SRGAP3: variants seen among roughly 807,000 people sequenced by gnomAD.
The protein encoded by SRGAP3 is SLIT-ROBO Rho GTPase activating protein 3.
Under a neutral mutation model 121.1 loss-of-function variants are expected in SRGAP3, and 39 were observed. The observed-to-expected ratio is 0.32, with a 90% CI of 0.25 to 0.42. The LOEUF is 0.42. Among genes scored for constraint, SRGAP3 ranks in the 10% least tolerant of loss-of-function variants. The probability of loss-of-function intolerance (pLI) is 1.00; values close to 1 mark genes in which losing one functional copy is unlikely to be tolerated. For missense variants in SRGAP3, 1,213 were observed against 1,470.6 expected (o/e 0.82, Z 2.86); for synonymous variants, 601 against 570.0 (o/e 1.05, Z -0.77).
Position 9,159,853 on chromosome 3 carries a change from T to G in SRGAP3, c.68-34936A>C, listed in dbSNP as rs444832. ...TCACCCTGCCCGTTATTTTTTTAAATGATGATATACACTGCAAAATGAGAA... is the reference window on the plus strand; with the variant it reads ...TCACCCTGCCCGTTATTTTTTTAAAGGATGATATACACTGCAAAATGAGAA... On this transcript the variant is annotated intron_variant, in intron 1 of 21. Coordinates refer to ENST00000383836, the MANE Select transcript of SRGAP3 (RefSeq NM_014850.4). 5.6e-3 allele frequency among the ~76,000 whole-genome samples: 846 copies of G among 152,228 alleles called. 1 individual carries two copies. Among genetic ancestry groups the G allele is most frequent in the Non-Finnish European group, 9.5e-3 (648 of 68,016 alleles).
intron 12 of SRGAP3, chr3:9,028,150 A>G (rs1559949042): frequency 6.2e-7 from 1 of 1,614,162 alleles, no homozygotes; most frequent in Non-Finnish European, 8.5e-7. Context: ...AAAAATAAAC[A>G]GGCAGCAGAG....
At chr3:9,058,183 G>C in intron 7 of SRGAP3, 68 bp downstream of exon 7, 1 of 1,512,730 alleles carries the variant, frequency 6.6e-7, no homozygotes, top group Non-Finnish European at 9.2e-7. Context: ...AACCAGGGAT[G>C]ATGTACTGGA....
intron 3 of SRGAP3, among the ~76,000 whole-genome samples, chr3:9,272,359 A>G (rs529707479): frequency 1.3e-5 from 2 of 152,222 alleles, no homozygotes; most frequent in Non-Finnish European, 2.9e-5. Context: ...CATCTCAGGA[A>G]CTTTTTCATC....
At chr3:9,077,663 A>G (rs373032751) in intron 4 of SRGAP3, among the ~76,000 whole-genome samples, 489 of 152,268 alleles carry the variant, frequency 3.2e-3, no homozygotes, top group African/African-American at 0.011. Context: ...TGTCTCCAAT[A>G]CCAGCGGCAT....
At chr3:9,290,172 G>A (rs552073323) in intron 3 of SRGAP3, among the ~76,000 whole-genome samples, 1 of 152,086 alleles carries the variant, frequency 6.6e-6, no homozygotes, top group African/African-American at 2.4e-5. Context: ...AAGCCAGTTT[G>A]GGGCCCTGCT....
At position 9,064,490 on chromosome 3, in the gene SRGAP3, T is replaced by C. The variant is rs373136362; in HGVS notation, c.578A>G (p.Asn193Ser). ...GTTCATGCTGAGGTCTCCTGACTTA[T>C]TGAACTGCTTCTCCTCCTGCTTCTC... ...EAEKQEEKQF[N>S]KSGDLSMNLL... is the part of the protein sequence containing the mutation. The change falls in exon 5 of 22, where the codon AAT (asparagine) becomes AGT (serine). Residue 193 changes from asparagine to serine, a missense_variant. By Grantham distance (46) the Asn-to-Ser change is conservative. This residue lies in a region of SRGAP3 where 793 missense variants were observed against 1,032.9 expected (regional missense o/e 0.77). Coordinates refer to ENST00000383836, the MANE Select transcript of SRGAP3 (RefSeq NM_014850.4). 8.1e-6 allele frequency: 13 copies of C among 1,614,106 alleles called. No individual in the cohort carries two copies. In the East Asian group the frequency reaches 8.9e-5, roughly 11 times the overall value.
intron 1 of SRGAP3, among the ~76,000 whole-genome samples, chr3:9,163,477 C>A (rs1276226646): frequency 6.6e-6 from 1 of 152,212 alleles, no homozygotes; most frequent in Non-Finnish European, 1.5e-5. Context: ...AATGTGGCTG[C>A]CCCTTGGCCT....
intron 1 of SRGAP3, among the ~76,000 whole-genome samples, chr3:9,186,952 T>C (rs968708693): frequency 6.6e-6 from 1 of 152,148 alleles, no homozygotes; most frequent in Non-Finnish European, 1.5e-5. Context: ...CAGCAAAAAG[T>C]TTTTTGTTTT....
intron 3 of SRGAP3, among the ~76,000 whole-genome samples, chr3:9,087,993 C>T (rs555737983): frequency 2.0e-5 from 3 of 152,238 alleles, no homozygotes; most frequent in East Asian, 1.9e-4. Context: ...GACTCAAAGG[C>T]GTTCTTTCTA....
intron 6 of SRGAP3, chr3:9,058,710 CTCTCTTT>C: frequency 2.2e-6 from 1 of 448,158 alleles, no homozygotes; most frequent in Non-Finnish European, 4.0e-6. Flanking sequence ...ATCTTTCTCT[CTCTCTTT>C]TTTTTTTTTT....
At chr3:9,180,436 C>T (rs1265813486) in intron 1 of SRGAP3, among the ~76,000 whole-genome samples, 1 of 152,194 alleles carries the variant, frequency 6.6e-6, no homozygotes, top group Non-Finnish European at 1.5e-5. Context: ...TGTCCCACCA[C>T]TTTTCTTTTG....
intron 17 of SRGAP3, among the ~76,000 whole-genome samples, chr3:9,012,364 T>C (rs1377098766): frequency 6.6e-6 from 1 of 152,170 alleles, no homozygotes; most frequent in Non-Finnish European, 1.5e-5. Flanking sequence ...AATAAAGAAA[T>C]AGTAGAAATG....
At chr3:9,261,718 G>A (rs536891582) in intron 3 of SRGAP3, among the ~76,000 whole-genome samples, 182 of 151,900 alleles carry the variant, frequency 1.2e-3, no homozygotes, top group African/African-American at 4.3e-3. Flanking sequence ...CCAAACCTAC[G>A]TTTGATTGGT....
chr3:9,193,692 G>C (rs867072097), intron 1 of SRGAP3: 3 of 152,330 alleles, frequency 2.0e-5, no homozygotes, highest in South Asian at 2.1e-4. Flanking sequence ...TCTCCCCTTG[G>C]CCTGGGGCTA....
chr3:9,208,315 T>C, intron 1 of SRGAP3, among the ~76,000 whole-genome samples: 1 of 152,146 alleles, frequency 6.6e-6, no homozygotes, highest in East Asian at 1.9e-4. Flanking sequence ...AATATGAATC[T>C]AGAAACCACT....
chr3:9,002,397 G>A (rs914560377), intron 18 of SRGAP3, among the ~76,000 whole-genome samples: 2 of 152,232 alleles, frequency 1.3e-5, no homozygotes, highest in East Asian at 3.9e-4. Flanking sequence ...GAATGAAAAT[G>A]AAGATACAAC....
At chr3:9,150,042 G>A (rs1231038147) in intron 1 of SRGAP3, among the ~76,000 whole-genome samples, 5 of 152,106 alleles carry the variant, frequency 3.3e-5, no homozygotes, top group Non-Finnish European at 7.3e-5. Context: ...AACAGACCAC[G>A]AAGGAGGACT....
intron 3 of SRGAP3, among the ~76,000 whole-genome samples, chr3:9,099,480 G>C (rs1291903505): frequency 1.3e-5 from 2 of 152,218 alleles, no homozygotes; most frequent in African/African-American, 2.4e-5. Flanking sequence ...AACGGTTAGC[G>C]GGGAGCAGGA....
At chr3:9,139,583 C>G (rs1448096681) in intron 1 of SRGAP3, among the ~76,000 whole-genome samples, 16 of 152,154 alleles carry the variant, frequency 1.1e-4, no homozygotes, top group Non-Finnish European at 1.9e-4. Flanking sequence ...TCTGGCCACA[C>G]CTTGATTTTG....
Sources: gnomAD v4.1 joint callset for allele counts (sites outside exome capture counted in the v4.1 genomes callset) on GRCh38, gnomAD v4.1.1 for gene constraint, gnomAD v4.1.1 regional missense constraint, MANE v1.5 for transcripts, NCBI Gene and HGNC (gene_info 2026-07-23, HGNC 2026-07-21) for gene names.